MGLL: variants seen among roughly 807,000 people sequenced by gnomAD.
MGLL encodes the protein lysophospholipase homolog.
Under a neutral mutation model 29.1 loss-of-function variants are expected in MGLL, and 7 were observed. The observed-to-expected ratio is 0.24, with a 90% CI of 0.14 to 0.45. MGLL has a LOEUF of 0.45. Ranked by LOEUF, MGLL falls within the 20% of genes least tolerant of loss-of-function variation. The pLI is 0.99. For missense variants in MGLL, 356 were observed against 413.6 expected, an observed-to-expected ratio of 0.86 and a Z score of 1.21; for synonymous variants, 148 against 168.3, an observed-to-expected ratio of 0.88 and a Z score of 0.93.
At chr3:127,724,756 G>A (rs1046082933) in intron 3 of MGLL, among the ~76,000 whole-genome samples, 5 of 152,142 alleles carry the variant, frequency 3.3e-5, no homozygotes, top group African/African-American at 1.2e-4. Context: ...CCAGTGTCAG[G>A]CTCCCTCTTC....
At chr3:127,720,710 A>G (rs1462338761) in intron 5 of MGLL, among the ~76,000 whole-genome samples, 1 of 152,200 alleles carries the variant, frequency 6.6e-6, no homozygotes, top group African/African-American at 2.4e-5. Flanking sequence ...GAAGTTGGCA[A>G]ATAATCAGTG....
chr3:127,811,670 T>C (rs1239509379), intron 2 of MGLL, among the ~76,000 whole-genome samples: 2 of 152,222 alleles, frequency 1.3e-5, no homozygotes, highest in African/African-American at 4.8e-5. Context: ...TCAAAAGCAC[T>C]TGCATACTGG....
intron 3 of MGLL, among the ~76,000 whole-genome samples, chr3:127,731,553 G>C (rs1043855146): frequency 6.6e-6 from 1 of 151,906 alleles, no homozygotes; most frequent in Non-Finnish European, 1.5e-5. Context: ...GACTCTCCCC[G>C]CTCCAGGCCA....
At chr3:127,753,019 T>C (rs1244299303) in intron 3 of MGLL, among the ~76,000 whole-genome samples, 4 of 152,232 alleles carry the variant, frequency 2.6e-5, no homozygotes, top group Non-Finnish European at 4.4e-5. Context: ...AAAACAAAGA[T>C]TTTCTACTGT....
intron 3 of MGLL, among the ~76,000 whole-genome samples, chr3:127,747,894 A>G (rs2076478495): frequency 6.6e-6 from 1 of 152,130 alleles, no homozygotes; most frequent in Non-Finnish European, 1.5e-5. Context: ...GCCACATCCT[A>G]GGGAAGGGGG....
chr3:127,695,067 G>A lies in MGLL; in HGVS notation c.724C>T (p.Leu242=). 1 of 1,614,170 alleles carries A rather than the reference G, an allele frequency of 6.2e-7. No homozygotes were observed. The highest frequency in any genetic ancestry group is 8.5e-7 in the Non-Finnish European group (1 of 1,180,036). Residue 242 remains leucine (L), a synonymous_variant, in exon 7 of 8, where the codon CTG becomes TTG. Transcript: ENST00000265052. The stretch of plus-strand genomic sequence containing the variant: ...CGATCGGCAGAGCCCTGGAGCAGCA[G>A]GAAGGGCACAGTCAGCTTGGGGAGG... ...RALPKLTVPF[L]LLQGSADRLC... is the part of the protein sequence containing the mutation.
intron 2 of MGLL, among the ~76,000 whole-genome samples, chr3:127,807,722 T>C (rs1307801388): frequency 6.7e-6 from 1 of 148,852 alleles, no homozygotes; most frequent in Non-Finnish European, 1.5e-5. Flanking sequence ...ACCCCTACTC[T>C]GGCTAATTTA....
At position 127,700,526 on chromosome 3, in the gene MGLL, G is replaced by A. The variant is rs777437633; in HGVS notation, c.601-5336C>T. 3.3e-5 allele frequency among the ~76,000 whole-genome samples: 5 copies of A among 152,290 alleles called. No homozygotes were observed. The South Asian group carries it at 8.3e-4, about 25-fold the overall frequency. On this transcript the variant is annotated intron_variant, in intron 6 of 7. Transcript: ENST00000265052. Reference sequence around the variant, plus strand: ...ATCTCTTCCCACATGTCTGCCCCACGTGAGGGTCAGGGCTCTGTCTGTCCT... The same window carrying A: ...ATCTCTTCCCACATGTCTGCCCCACATGAGGGTCAGGGCTCTGTCTGTCCT...
chr3:127,784,461 C>T (rs1468508832), intron 2 of MGLL, among the ~76,000 whole-genome samples: 1 of 152,172 alleles, frequency 6.6e-6, no homozygotes, highest in African/African-American at 2.4e-5. Flanking sequence ...TTAGAGCAAC[C>T]TTAGGGCCAC....
At chr3:127,739,330 T>C (rs939022657) in intron 3 of MGLL, among the ~76,000 whole-genome samples, 14 of 152,182 alleles carry the variant, frequency 9.2e-5, no homozygotes, top group Admixed American at 6.5e-5. Flanking sequence ...TTAACTGAGA[T>C]AATTGCTATA....
At chr3:127,726,158 A>AAGAAAGAAAGAAAGAG (rs2076031966) in intron 3 of MGLL, among the ~76,000 whole-genome samples, 35 of 29,264 alleles carry the variant, frequency 1.2e-3, no homozygotes, top group Admixed American at 9.2e-3. Context: ...GAAAGAAAGA[A>AAGAAAGAAAGAAAGAG]AGAAAGAAAG....
intron 3 of MGLL, among the ~76,000 whole-genome samples, chr3:127,774,143 C>A (rs1031869209): frequency 7.2e-5 from 11 of 152,284 alleles, no homozygotes; most frequent in African/African-American, 2.7e-4. Flanking sequence ...TGCTCACCTG[C>A]TGTTCTGTCT....
At position 127,781,879 on chromosome 3, in the gene MGLL, A is replaced by C. The variant is rs1344514595; in HGVS notation, c.172T>G (p.Ser58Ala). ...TGTPKALIFVSHGAGEHSGRY... is the reference protein window; with the variant it reads ...TGTPKALIFVAHGAGEHSGRY... ...CCACTGTGCTCTCCGGCTCCATGGG[A>C]CACAAAGATGAGGGCCCTGCAGAGA... The change falls in exon 3 of 8, where the codon TCC (serine) becomes GCC (alanine). Residue 58 changes from serine to alanine, a missense_variant. Ser to Ala is a moderately conservative substitution (Grantham distance 99). Transcript: ENST00000265052. 6.2e-7 allele frequency: 1 copy of C among 1,614,000 alleles called. No individual in the cohort carries two copies. Among genetic ancestry groups the C allele is most frequent in the Admixed American group, 1.7e-5 (1 of 60,010 alleles).
chr3:127,762,114 CTT>C (rs2076775007), intron 3 of MGLL, among the ~76,000 whole-genome samples: 1 of 152,194 alleles, frequency 6.6e-6, no homozygotes, highest in African/African-American at 2.4e-5. Context: ...ATATGAAGCC[CTT>C]CAGAAAGGGC....
At chr3:127,751,555 C>A (rs2076558996) in intron 3 of MGLL, among the ~76,000 whole-genome samples, 1 of 151,948 alleles carries the variant, frequency 6.6e-6, no homozygotes, top group Admixed American at 6.6e-5. Flanking sequence ...CTGCAGCTGA[C>A]CACACATGTG....
At chr3:127,758,465 A>G (rs1054879124) in intron 3 of MGLL, among the ~76,000 whole-genome samples, 1 of 152,204 alleles carries the variant, frequency 6.6e-6, no homozygotes, top group African/African-American at 2.4e-5. Flanking sequence ...AAATACACGA[A>G]TGAGGCTTGG....
intron 6 of MGLL, among the ~76,000 whole-genome samples, chr3:127,697,199 C>A (rs1188477135): frequency 6.6e-6 from 1 of 152,238 alleles, no homozygotes; most frequent in African/African-American, 2.4e-5. Flanking sequence ...ACAGGGGGTG[C>A]TTCCCCAGGG....
rs118098894 is a variant in MGLL at position 127,772,273 on chromosome 3, C to T, written c.262+9516G>A. Among the ~76,000 whole-genome samples the T allele has an allele frequency of 1.1e-4, 16 of 152,342 alleles. No homozygotes were observed. The East Asian group carries it at 3.1e-3, about 29-fold the overall frequency. On this transcript the variant is annotated intron_variant, in intron 3 of 7. Transcript: ENST00000265052. The stretch of plus-strand genomic sequence containing the variant: ...TCGTCTGTCTGGTTCCAGAGCCCCG[C>T]TCCCCCAACCTCTAAGTGCAGACAG...
In MGLL at chr3:127,722,416, T is replaced by C; in HGVS notation, c.399+14A>G. 1 of 1,614,166 alleles carries C rather than the reference T, an allele frequency of 6.2e-7. No individual in the cohort carries two copies. Among genetic ancestry groups the C allele is most frequent in the Non-Finnish European group, 8.5e-7 (1 of 1,180,028 alleles). On this transcript the variant is annotated intron_variant, in intron 4 of 7. Transcript: ENST00000265052. ...CAGGGTGGATTTAACCTGGGTCTTC[T>C]GTGGTCTGCTTACCATGGAGTGGCC...
Sources: allele counts gnomAD v4.1 joint callset (sites outside exome capture counted in the v4.1 genomes callset), GRCh38; gene constraint gnomAD v4.1.1; transcripts MANE v1.5; gene names NCBI Gene and HGNC (gene_info 2026-07-23, HGNC 2026-07-21).